The following MYH10 variants were observed in gnomAD, a reference collection of about 807,000 sequenced individuals.
MYH10 encodes the protein myosin-10.
In MYH10, 55 loss-of-function variants were observed where a neutral mutation model predicts 257.8. That is an observed-to-expected ratio of 0.21 (90% CI 0.17 to 0.27). The LOEUF (loss-of-function observed/expected upper bound fraction) is 0.27. Among genes scored for constraint, MYH10 ranks in the 10% least tolerant of loss-of-function variants. The pLI, the probability that MYH10 is intolerant of heterozygous loss-of-function variation, is 1.00. For synonymous variants in MYH10, 854 were observed against 921.7 expected (o/e 0.93, Z 1.33); for missense variants, 1,631 against 2,500.6 (o/e 0.65, Z 7.42).
rs1312727081 is a variant in MYH10 at position 8,504,644 on chromosome 17, G to A, written c.3599+50C>T. ...ACACCAGGCATTTCTGCACGGGCTC[G>A]GTGGAGAGGTCGGCAGGCGCCCGGG... On this transcript the variant is annotated intron_variant, in intron 28 of 42. Coordinates refer to ENST00000360416, the MANE Select transcript of MYH10 (RefSeq NM_001256012.3). The surrounding 1 kb of genome is among the most constrained non-coding windows in gnomAD (Gnocchi z 5.6). The A allele has an allele frequency of 1.3e-5, 20 of 1,531,080 alleles. No individual in the cohort carries two copies. In the African/African-American group the frequency reaches 1.6e-4, roughly 13 times the overall value. The allele number at this position is 1,531,080 out of a possible 1,614,324, so 94.8% of individuals were successfully genotyped here.
At chr17:8,626,741 A>G (rs2085698577) in intron 1 of MYH10, among the ~76,000 whole-genome samples, 1 of 152,058 alleles carries the variant, frequency 6.6e-6, no homozygotes, top group Non-Finnish European at 1.5e-5. Flanking sequence ...CTATTAAAAG[A>G]AAATATTCAA....
chr17:8,563,598 T>C (rs138798948), intron 7 of MYH10, among the ~76,000 whole-genome samples: 2 of 152,226 alleles, frequency 1.3e-5, no homozygotes, highest in African/African-American at 2.4e-5. Context: ...GTGCAGACCA[T>C]ATTCTGTCAC....
At chr17:8,548,273 G>T in intron 11 of MYH10, 40 bp downstream of exon 11, 1 of 1,491,622 alleles carries the variant, frequency 6.7e-7, no homozygotes. Flanking sequence ...AGCACAACAA[G>T]CCATCGAAAC....
chr17:8,625,457 A>G (rs1944370269), intron 1 of MYH10, among the ~76,000 whole-genome samples: 1 of 151,346 alleles, frequency 6.6e-6, no homozygotes, highest in Admixed American at 6.6e-5. Flanking sequence ...CTGATTCAGT[A>G]GGTATAGGGT....
chr17:8,476,572 AAG>A (rs892280358), intron 42 of MYH10, among the ~76,000 whole-genome samples: 1 of 152,158 alleles, frequency 6.6e-6, no homozygotes, highest in Admixed American at 6.5e-5. Context: ...CCTGCTTTTT[AAG>A]AGAGGCTGGG....
At chr17:8,503,206 C>T (rs745370345) in intron 28 of MYH10, among the ~76,000 whole-genome samples, 1 of 152,134 alleles carries the variant, frequency 6.6e-6, no homozygotes, top group Non-Finnish European at 1.5e-5. Flanking sequence ...TCGTTTGAAC[C>T]CGGGAGGCGG....
chr17:8,614,990 A>G (rs1389709733), intron 2 of MYH10, among the ~76,000 whole-genome samples: 2 of 152,336 alleles, frequency 1.3e-5, no homozygotes, highest in Admixed American at 6.5e-5. Flanking sequence ...CTAGACAAAC[A>G]TAATTATCAA....
intron 17 of MYH10, among the ~76,000 whole-genome samples, chr17:8,526,635 A>G (rs1379264434): frequency 6.6e-6 from 1 of 151,496 alleles, no homozygotes; most frequent in Non-Finnish European, 1.5e-5. Context: ...CATAGCTTTA[A>G]GAGAGAAAAT....
chr17:8,543,398 C>A, intron 13 of MYH10, among the ~76,000 whole-genome samples: 1 of 152,040 alleles, frequency 6.6e-6, no homozygotes, highest in Non-Finnish European at 1.5e-5. Flanking sequence ...TCTGCTTATT[C>A]ATGTTCATGT....
chr17:8,614,233 C>T (rs1405533263), intron 2 of MYH10, among the ~76,000 whole-genome samples: 1 of 149,910 alleles, frequency 6.7e-6, no homozygotes, highest in Non-Finnish European at 1.5e-5. Context: ...GTTATTTGAC[C>T]AAGGGGGGAA....
intron 36 of MYH10, among the ~76,000 whole-genome samples, chr17:8,486,279 T>A (rs1240045303): frequency 6.6e-6 from 1 of 152,156 alleles, no homozygotes; most frequent in Non-Finnish European, 1.5e-5. Flanking sequence ...AGCCTATGAA[T>A]AACTAAAAAA....
At chr17:8,561,524 C>A (rs199712993) in intron 7 of MYH10, 346 of 1,440,600 alleles carry the variant, frequency 2.4e-4, no homozygotes, top group Non-Finnish European at 3.1e-4. Context: ...ACACCCCCAC[C>A]CCGATTTAGA....
At chr17:8,536,992 C>T (rs2082161582) in intron 14 of MYH10, among the ~76,000 whole-genome samples, 1 of 151,974 alleles carries the variant, frequency 6.6e-6, no homozygotes, top group South Asian at 2.1e-4. Flanking sequence ...ACATCACTGA[C>T]TTGTAGTTTT....
intron 17 of MYH10, among the ~76,000 whole-genome samples, chr17:8,527,403 G>A (rs1023857708): frequency 2.0e-5 from 3 of 152,130 alleles, no homozygotes; most frequent in African/African-American, 4.8e-5. Flanking sequence ...CATCTAAGGC[G>A]CTGGGCAGAC....
chr17:8,558,197 T>C (rs528335418), intron 7 of MYH10, among the ~76,000 whole-genome samples: 7 of 152,236 alleles, frequency 4.6e-5, no homozygotes, highest in African/African-American at 1.7e-4. Flanking sequence ...GCTAAACAAA[T>C]AAGCACTCTA....
rs1280917374 is a variant in MYH10, at chr17:8,477,978, T to G, written c.5706+360A>C. Reference sequence around the variant, plus strand: ...TATTCAGTATCTCCTGTGCCCACCCTACACCCAGCCAGTATCTCATGACTG... The same window carrying G: ...TATTCAGTATCTCCTGTGCCCACCCGACACCCAGCCAGTATCTCATGACTG... On this transcript the variant is annotated intron_variant, in intron 41 of 42. Transcript: ENST00000360416. The surrounding 1 kb of genome is among the most constrained non-coding windows in gnomAD (Gnocchi z 4.2). Among the ~76,000 whole-genome samples the G allele has an allele frequency of 1.3e-5, 2 of 152,178 alleles. No individual in the cohort carries two copies. The highest frequency in any genetic ancestry group is 2.4e-5 in the African/African-American group (1 of 41,452).
intron 1 of MYH10, among the ~76,000 whole-genome samples, chr17:8,628,879 T>TTGGGC: frequency 6.6e-6 from 1 of 152,330 alleles, no homozygotes; most frequent in East Asian, 1.9e-4. Context: ...TTATAATGAT[T>TTGGGC]TCCCTATGGA....
At chr17:8,568,982 C>T (rs2083249306) in intron 7 of MYH10, among the ~76,000 whole-genome samples, 1 of 150,326 alleles carries the variant, frequency 6.7e-6, no homozygotes, top group African/African-American at 2.4e-5. Flanking sequence ...GAGGCTGAGG[C>T]TTCCAGCGAT....
At chr17:8,542,064 T>C (rs953914149) in intron 14 of MYH10, 43 bp downstream of exon 14, 5 of 1,572,514 alleles carry the variant, frequency 3.2e-6, no homozygotes, top group East Asian at 2.3e-5. Context: ...AGGTCACTGC[T>C]TGAGTGGAAA....
Sources: gnomAD v4.1 joint callset for allele counts (sites outside exome capture counted in the v4.1 genomes callset) on GRCh38, gnomAD v4.1.1 for gene constraint, Gnocchi (gnomAD v3.1) non-coding constraint, MANE v1.5 for transcripts, NCBI Gene and HGNC (gene_info 2026-07-23, HGNC 2026-07-21) for gene names.